Variants in PTPRD observed in about 807,000 individuals in gnomAD.
PTPRD encodes receptor-type tyrosine-protein phosphatase delta.
A neutral mutation model predicts 214.5 loss-of-function variants in PTPRD; 34 were observed. That is an observed-to-expected ratio of 0.16 (90% CI 0.12 to 0.21). PTPRD has a LOEUF of 0.21. Ranked by LOEUF, PTPRD falls within the 10% of genes least tolerant of loss-of-function variation. PTPRD has a pLI of 1.00. For synonymous variants in PTPRD, 1,128 were observed against 845.7 expected (o/e 1.33, Z -5.79); for missense variants, 2,545 against 2,398.7 (o/e 1.06, Z -1.27).
At chr9:10,127,286 G>C (rs2098827101) in intron 3 of PTPRD, among the ~76,000 whole-genome samples, 1 of 152,068 alleles carries the variant, frequency 6.6e-6, no homozygotes, top group Non-Finnish European at 1.5e-5. Flanking sequence ...GTCTGTAATG[G>C]CCCACAAGAC....
chr9:9,820,873 T>G (rs988763585), intron 5 of PTPRD, among the ~76,000 whole-genome samples: 5 of 152,190 alleles, frequency 3.3e-5, no homozygotes, highest in African/African-American at 1.2e-4. Context: ...CCATGCTGTT[T>G]TGGCTACTAT....
chr9:10,429,509 A>C (rs2098656955), intron 2 of PTPRD, among the ~76,000 whole-genome samples: 1 of 152,008 alleles, frequency 6.6e-6, no homozygotes, highest in Non-Finnish European at 1.5e-5. Context: ...AAAAGAATGA[A>C]ACCTTGTCAT....
chr9:8,764,583 G>A (rs1280574381), intron 11 of PTPRD, among the ~76,000 whole-genome samples: 1 of 152,014 alleles, frequency 6.6e-6, no homozygotes, highest in East Asian at 1.9e-4. Context: ...GGATCACAAG[G>A]TCAGGAGTTC....
chr9:10,258,307 G>A (rs1451883510), intron 3 of PTPRD, among the ~76,000 whole-genome samples: 1 of 152,134 alleles, frequency 6.6e-6, no homozygotes, highest in Non-Finnish European at 1.5e-5. Flanking sequence ...TGGGAGCTGA[G>A]GGCTTTTGGG....
intron 14 of PTPRD, among the ~76,000 whole-genome samples, chr9:8,558,426 C>T (rs1222487358): frequency 6.6e-6 from 1 of 152,154 alleles, no homozygotes; most frequent in Non-Finnish European, 1.5e-5. Context: ...ACCAACAAGG[C>T]AAGTCTCACA....
At position 8,449,901 on chromosome 9, in the gene PTPRD, G is replaced by A. The variant is rs1280157646; in HGVS notation, c.3876-64C>T. The A allele has an allele frequency of 5.9e-6, 9 of 1,518,470 alleles. No homozygotes were observed. The Admixed American group carries it at 1.0e-4, about 17-fold the overall frequency. The allele number at this position is 1,518,470 out of a possible 1,614,324, so 94.1% of individuals were successfully genotyped here. A position where few individuals can be genotyped will look rare whatever the true frequency, so the allele number is the denominator to read the frequency against. Reference sequence around the variant, plus strand: ...ATCAATTGAAACAGATAGAAAAGCAGAGAATTGCACCTGCACTCCCCCCAC... The same window carrying A: ...ATCAATTGAAACAGATAGAAAAGCAAAGAATTGCACCTGCACTCCCCCCAC... On this transcript the variant is annotated intron_variant, in intron 33 of 45. Transcript: ENST00000381196.
chr9:10,205,223 T>A (rs1359740866), intron 3 of PTPRD, among the ~76,000 whole-genome samples: 1 of 151,974 alleles, frequency 6.6e-6, no homozygotes, highest in East Asian at 1.9e-4. Context: ...AAGTTTTATT[T>A]CAGAATTTTT....
At chr9:10,090,303 T>C (rs1438096018) in intron 3 of PTPRD, among the ~76,000 whole-genome samples, 1 of 151,574 alleles carries the variant, frequency 6.6e-6, no homozygotes, top group Admixed American at 6.6e-5. Flanking sequence ...AATGTGGAAT[T>C]AGCCAGACTA....
intron 4 of PTPRD, among the ~76,000 whole-genome samples, chr9:9,998,369 A>G (rs2096220078): frequency 1.3e-5 from 2 of 151,618 alleles, no homozygotes; most frequent in East Asian, 3.9e-4. Context: ...GATTCTGGAA[A>G]TTGAAGGAAA....
At chr9:9,511,797 T>A (rs1268614452) in intron 8 of PTPRD, among the ~76,000 whole-genome samples, 1 of 151,804 alleles carries the variant, frequency 6.6e-6, no homozygotes, top group Non-Finnish European at 1.5e-5. Flanking sequence ...ATTTGAGACA[T>A]TTCTGTAATG....
At chr9:10,560,259 G>A (rs1216258566) in intron 2 of PTPRD, among the ~76,000 whole-genome samples, 1 of 152,090 alleles carries the variant, frequency 6.6e-6, no homozygotes, top group Non-Finnish European at 1.5e-5. Flanking sequence ...TCCTTTGTAG[G>A]GACATGGATG....
chr9:9,989,106 C>A (rs1016761502), intron 4 of PTPRD, among the ~76,000 whole-genome samples: 6 of 149,926 alleles, frequency 4.0e-5, no homozygotes, highest in Non-Finnish European at 2.9e-5. Flanking sequence ...TGTCCTCTGC[C>A]AAAATTAAGA....
intron 9 of PTPRD, among the ~76,000 whole-genome samples, chr9:9,239,170 A>T (rs1338227769): frequency 6.6e-6 from 1 of 151,978 alleles, no homozygotes; most frequent in Non-Finnish European, 1.5e-5. Flanking sequence ...ACCTTTTGGA[A>T]ATACAAACTT....
intron 5 of PTPRD, among the ~76,000 whole-genome samples, chr9:9,824,127 T>C (rs1208370781): frequency 6.6e-6 from 1 of 152,006 alleles, no homozygotes; most frequent in Non-Finnish European, 1.5e-5. Flanking sequence ...TAAATGAATT[T>C]TTTGTTTAGA....
At chr9:9,049,322 T>C (rs894173869) in intron 10 of PTPRD, among the ~76,000 whole-genome samples, 11 of 152,160 alleles carry the variant, frequency 7.2e-5, no homozygotes, top group African/African-American at 2.2e-4. Context: ...AGTTGGAAAA[T>C]CCAAGAATAG....
chr9:10,255,245 T>C (rs1595465687), intron 3 of PTPRD, among the ~76,000 whole-genome samples: 2 of 152,190 alleles, frequency 1.3e-5, no homozygotes, highest in African/African-American at 4.8e-5. Context: ...TTATTCTCTA[T>C]GTGAACATCA....
At chr9:8,771,863 A>G (rs887571907) in intron 11 of PTPRD, among the ~76,000 whole-genome samples, 4 of 152,240 alleles carry the variant, frequency 2.6e-5, no homozygotes, top group Non-Finnish European at 5.9e-5. Flanking sequence ...TACTAACATC[A>G]TCTTATAAAA....
At chr9:9,293,372 A>G (rs1595309268) in intron 9 of PTPRD, among the ~76,000 whole-genome samples, 1 of 143,814 alleles carries the variant, frequency 7.0e-6, no homozygotes, top group Non-Finnish European at 1.5e-5. Context: ...ACATACTCCC[A>G]TCATTGTTTG....
intron 3 of PTPRD, among the ~76,000 whole-genome samples, chr9:10,102,404 A>G (rs977704769): frequency 2.5e-5 from 3 of 122,432 alleles, no homozygotes; most frequent in African/African-American, 1.0e-4. Flanking sequence ...AAGGATGTCA[A>G]TATAAAAAAA....
Sources: allele counts gnomAD v4.1 joint callset (sites outside exome capture counted in the v4.1 genomes callset), GRCh38; gene constraint gnomAD v4.1.1; transcripts MANE v1.5; gene names NCBI Gene and HGNC (gene_info 2026-07-23, HGNC 2026-07-21).